Variants in GLB1 observed in about 807,000 individuals in gnomAD.
GLB1 encodes galactosidase beta 1.
In GLB1, 56 loss-of-function variants were observed where a neutral mutation model predicts 74.0. The ratio of observed to expected loss-of-function variants is 0.76; its 90% CI spans 0.61 to 0.94. The LOEUF (loss-of-function observed/expected upper bound fraction) is 0.94, where lower values mean the gene tolerates loss of function less well. Ranked by LOEUF, GLB1 falls within the 40% of genes least tolerant of loss-of-function variation. GLB1 has a pLI of 0.00. For missense variants in GLB1, 787 were observed against 845.5 expected, an observed-to-expected ratio of 0.93 and a Z score of 0.86; for synonymous variants, 323 against 323.6, an observed-to-expected ratio of 1.00 and a Z score of 0.02.
intron 1 of GLB1, among the ~76,000 whole-genome samples, chr3:33,074,389 G>GA (rs1559412979): frequency 1.5e-4 from 6 of 38,916 alleles, no homozygotes; most frequent in Admixed American, 6.4e-4. Flanking sequence ...AGGAAGGAAG[G>GA]AAGAAAGAAA....
At position 33,093,911 on chromosome 3, in the gene GLB1, C is replaced by T; in HGVS notation, c.75+3100G>A. 1 of 1,614,020 alleles carries T rather than the reference C, an allele frequency of 6.2e-7. No individual in the cohort carries two copies. ...ACATGGTAAAGAAACTGGAATGGGC[C>T]AGGGCCAGAAATGCCAGAACCACCA... On this transcript the variant is annotated intron_variant, in intron 1 of 15. Transcript: ENST00000307363. This position sits in a 1 kb window ranked among gnomAD's most constrained non-coding sequence, Gnocchi z 6.0.
chr3:33,077,347 T>C (rs1700150318), intron 1 of GLB1: 1 of 1,489,494 alleles, frequency 6.7e-7, no homozygotes, highest in Non-Finnish European at 9.2e-7. Flanking sequence ...AAGCCTGTTG[T>C]GAACGATAGG....
the GLB1 span, among the ~76,000 whole-genome samples, chr3:32,984,119 T>C: frequency 6.6e-6 from 1 of 152,220 alleles, no homozygotes; most frequent in Non-Finnish European, 1.5e-5. Context: ...ATTAATCACC[T>C]TAAGTTTATT....
At chr3:33,046,292 T>G (rs1698737399) in intron 9 of GLB1, 60 bp from the exon 10 acceptor site, 3 of 1,595,360 alleles carry the variant, frequency 1.9e-6, no homozygotes, top group Non-Finnish European at 2.6e-6. Context: ...GACAAGTTCT[T>G]TGGGATCCAT....
At chr3:33,048,652 T>G (rs571754577) in intron 9 of GLB1, among the ~76,000 whole-genome samples, 10 of 152,284 alleles carry the variant, frequency 6.6e-5, no homozygotes, top group Admixed American at 1.3e-4. Context: ...CAGACTGGCC[T>G]TCTCTCACTT....
At chr3:32,988,843 CTGT>C in the GLB1 span, among the ~76,000 whole-genome samples, 1 of 146,318 alleles carries the variant, frequency 6.8e-6, no homozygotes, top group Non-Finnish European at 1.5e-5. Context: ...CTGTTTTTTC[CTGT>C]TTTTTTTTTC....
At chr3:33,023,118 C>G (rs1433667519) in intron 11 of GLB1, among the ~76,000 whole-genome samples, 1 of 152,194 alleles carries the variant, frequency 6.6e-6, no homozygotes, top group Non-Finnish European at 1.5e-5. Context: ...TCTGCTCACA[C>G]AATTTTCCTT....
intron 1 of GLB1, chr3:33,092,277 G>T: frequency 1.0e-6 from 1 of 986,502 alleles, no homozygotes; most frequent in Non-Finnish European, 1.2e-6. Context: ...CAATAGAGGT[G>T]ATCCTGATAG....
intron 5 of GLB1, among the ~76,000 whole-genome samples, chr3:33,063,621 G>A (rs1323981789): frequency 6.6e-6 from 1 of 152,104 alleles, no homozygotes; most frequent in Admixed American, 6.5e-5. Context: ...AAAGTTGTGA[G>A]CAGAAATTGA....
intron 1 of GLB1, among the ~76,000 whole-genome samples, chr3:33,075,057 A>G (rs1282550283): frequency 6.6e-6 from 1 of 152,260 alleles, no homozygotes; most frequent in Non-Finnish European, 1.5e-5. Context: ...CTTCTAGTAA[A>G]TAAGGTTTTA....
At chr3:33,074,346 AAGGAAGG>A (rs1700008951) in intron 1 of GLB1, among the ~76,000 whole-genome samples, 1 of 74,510 alleles carries the variant, frequency 1.3e-5, no homozygotes, top group Non-Finnish European at 2.9e-5. Flanking sequence ...GGAAGGAAGG[AAGGAAGG>A]AAGGAAGGAA....
chr3:33,068,864 C>T lies in GLB1; in HGVS notation c.352G>A (p.Val118Ile), dbSNP rs1048190676. 26 of 1,614,178 alleles carry T rather than the reference C, an allele frequency of 1.6e-5. No individual in the cohort carries two copies. The highest frequency in any genetic ancestry group is 2.1e-5 in the Non-Finnish European group (25 of 1,180,046). The stretch of plus-strand genomic sequence containing the variant: ...ATGTAGGGCCCGGGCCTCAGGATAA[C>T]CAGCAGTCCCAGCTCATGAGCCAGC... ...LRLAHELGLL[V>I]ILRPGPYICA... The change falls in exon 3 of 16, where the codon GTT (valine) becomes ATT (isoleucine). Residue 118 changes from valine (V) to isoleucine (I), a missense_variant. Transcript: ENST00000307363.
chr3:33,050,458 T>TA (rs1369849495), intron 9 of GLB1, among the ~76,000 whole-genome samples: 1 of 152,104 alleles, frequency 6.6e-6, no homozygotes, highest in African/African-American at 2.4e-5. Flanking sequence ...TATTCAGCAA[T>TA]AAAAAGGAAT....
intron 4 of GLB1, among the ~76,000 whole-genome samples, chr3:33,065,794 C>A (rs181183363): frequency 6.6e-6 from 1 of 151,912 alleles, no homozygotes; most frequent in African/African-American, 2.4e-5. Flanking sequence ...ATGGAGAAAC[C>A]CCATCTCTAC....
At chr3:33,022,823 G>C (rs1438737218) in intron 11 of GLB1, among the ~76,000 whole-genome samples, 1 of 152,012 alleles carries the variant, frequency 6.6e-6, no homozygotes, top group Non-Finnish European at 1.5e-5. Flanking sequence ...GCCTCCCAAA[G>C]TACTGGGATT....
In GLB1 at chr3:32,997,048, T is replaced by C. The variant is rs909928512; in HGVS notation, c.2031A>G (p.Val677=). 1 of 1,614,062 alleles carries C rather than the reference T, an allele frequency of 6.2e-7. No individual in the cohort carries two copies. The highest frequency in any genetic ancestry group is 1.3e-5 in the African/African-American group (1 of 74,916). ...QKNKDSWLDH[V] is the part of the protein sequence containing the mutation. ...TCAAAGACACAGGCTTTCATCATCA[T>C]ACATGGTCCAGCCATGAATCTTTGT... Residue 677 remains valine, a synonymous_variant, in exon 16 of 16, where the codon GTA becomes GTG. Coordinates refer to ENST00000307363, the MANE Select transcript of GLB1 (RefSeq NM_000404.4).
In GLB1 at chr3:33,065,249, T is replaced by G. The variant is rs77922335; in HGVS notation, c.552+214A>C. ...GGTGGTTGGAAGAATTGAATAGCATTTACAAGGCACCCAGCACAAAGCCTG... is the reference window on the plus strand; with the variant it reads ...GGTGGTTGGAAGAATTGAATAGCATGTACAAGGCACCCAGCACAAAGCCTG... On this transcript the variant is annotated intron_variant, in intron 5 of 15. Coordinates refer to ENST00000307363, the MANE Select transcript of GLB1 (RefSeq NM_000404.4). Among the ~76,000 whole-genome samples, 53 of 152,258 alleles carry G rather than the reference T, an allele frequency of 3.5e-4. No individual in the cohort carries two copies. In the East Asian group the frequency reaches 0.01, roughly 29 times the overall value.
At position 33,018,492 on chromosome 3, in the gene GLB1, G is replaced by T; in HGVS notation, c.1303C>A (p.Pro435Thr). 6.2e-7 allele frequency: 1 copy of T among 1,614,052 alleles called. No homozygotes were observed. Among genetic ancestry groups the T allele is most frequent in the Non-Finnish European group, 8.5e-7 (1 of 1,180,012 alleles). ...DCSNPAPLSS[P>T]LNGVHDRAYV... ...GCTCGATCGTGGACTCCATTGAGGGGTGAAGAGAGAGGTGCTGGGTTGCTG... is the reference window on the plus strand; with the variant it reads ...GCTCGATCGTGGACTCCATTGAGGGTTGAAGAGAGAGGTGCTGGGTTGCTG... The change falls in exon 13 of 16, where the codon CCC becomes ACC. Residue 435 changes from proline (P) to threonine (T), a missense_variant. By Grantham distance (38) the Pro-to-Thr change is conservative. Coordinates refer to ENST00000307363, the MANE Select transcript of GLB1 (RefSeq NM_000404.4).
chr3:33,094,124 C>T, intron 1 of GLB1: 1 of 1,614,144 alleles, frequency 6.2e-7, no homozygotes, highest in South Asian at 1.1e-5. Context: ...GGGAGGCGAT[C>T]ATGGACACGA....
Sources: allele counts gnomAD v4.1 joint callset (sites outside exome capture counted in the v4.1 genomes callset), GRCh38; gene constraint gnomAD v4.1.1; non-coding constraint Gnocchi (gnomAD v3.1); transcripts MANE v1.5; gene names NCBI Gene and HGNC (gene_info 2026-07-23, HGNC 2026-07-21).